Variants in ARL15 observed in about 807,000 individuals in gnomAD.
ARL15 encodes ADP-ribosylation factor-like protein 15.
ARL15 carries 19 observed loss-of-function variants against 25.2 expected under a neutral mutation model. That is an observed-to-expected ratio of 0.75 (90% CI 0.53 to 1.10). The LOEUF (loss-of-function observed/expected upper bound fraction) is 1.10. Ranked by LOEUF, ARL15 falls within the 50% of genes least tolerant of loss-of-function variation. The pLI is 0.00. For synonymous variants in ARL15, 94 were observed against 86.8 expected (o/e 1.08, Z -0.46); for missense variants, 220 against 246.0 (o/e 0.89, Z 0.71).
chr5:54,230,295 C>T (rs536452982), intron 1 of ARL15, among the ~76,000 whole-genome samples: 1 of 146,934 alleles, frequency 6.8e-6, no homozygotes, highest in Admixed American at 6.9e-5. Context: ...GCAGTGAGCC[C>T]AGATCGCGCC....
intron 1 of ARL15, among the ~76,000 whole-genome samples, chr5:54,238,870 C>A (rs35310921): frequency 6.6e-6 from 1 of 152,076 alleles, no homozygotes; most frequent in Non-Finnish European, 1.5e-5. Context: ...TGGCAAAGAC[C>A]GAGATGAAAT....
intron 4 of ARL15, among the ~76,000 whole-genome samples, chr5:53,935,359 T>C (rs1285170494): frequency 6.6e-6 from 1 of 152,218 alleles, no homozygotes; most frequent in Non-Finnish European, 1.5e-5. Flanking sequence ...AGTTGTTGAC[T>C]TGAATAACAA....
chr5:54,297,102 T>G (rs1758482741), intron 1 of ARL15, among the ~76,000 whole-genome samples: 1 of 152,244 alleles, frequency 6.6e-6, no homozygotes. Flanking sequence ...TTCAGATTAC[T>G]AAACTCACAG....
chr5:54,278,031 G>T (rs1757968091), intron 1 of ARL15, among the ~76,000 whole-genome samples: 2 of 152,198 alleles, frequency 1.3e-5, no homozygotes, highest in South Asian at 4.1e-4. Context: ...GTTCAATGTT[G>T]GCCAAAAGGG....
At chr5:53,919,188 A>T (rs1745762366) in intron 4 of ARL15, among the ~76,000 whole-genome samples, 1 of 152,206 alleles carries the variant, frequency 6.6e-6, no homozygotes, top group Admixed American at 6.5e-5. Context: ...AGTTTTCCTT[A>T]ACAAATTCAA....
intron 1 of ARL15, among the ~76,000 whole-genome samples, chr5:54,216,659 T>C (rs1297798106): frequency 7.3e-5 from 11 of 151,536 alleles, no homozygotes; most frequent in Admixed American, 7.2e-4. Context: ...ACACACCTAA[T>C]TAAATCCCCA....
At chr5:54,096,276 T>C (rs961502274) in intron 4 of ARL15, among the ~76,000 whole-genome samples, 3 of 152,222 alleles carry the variant, frequency 2.0e-5, no homozygotes, top group African/African-American at 7.2e-5. Flanking sequence ...AGGTTATTAA[T>C]CTTTGTACCT....
chr5:53,894,582 A>G (rs1053943164), intron 4 of ARL15, among the ~76,000 whole-genome samples: 1 of 152,198 alleles, frequency 6.6e-6, no homozygotes, highest in Non-Finnish European at 1.5e-5. Flanking sequence ...GATAACCACT[A>G]TGAGAGGCAC....
intron 4 of ARL15, among the ~76,000 whole-genome samples, chr5:53,916,169 C>A (rs931392475): frequency 2.6e-4 from 40 of 151,886 alleles, no homozygotes; most frequent in Non-Finnish European, 1.2e-4. Context: ...AGATTACAGG[C>A]ATGAGGCACT....
intron 4 of ARL15, among the ~76,000 whole-genome samples, chr5:54,108,222 G>T (rs1191828787): frequency 6.6e-6 from 1 of 151,998 alleles, no homozygotes; most frequent in Non-Finnish European, 1.5e-5. Flanking sequence ...GTGGAAAATT[G>T]ACTTCCAAAC....
intron 4 of ARL15, among the ~76,000 whole-genome samples, chr5:53,941,441 T>A (rs925101200): frequency 6.6e-6 from 1 of 152,226 alleles, no homozygotes; most frequent in South Asian, 2.1e-4. Context: ...AATGGGCCTG[T>A]CGTTAAAAAT....
At chr5:54,290,002 T>C (rs1177095663) in intron 1 of ARL15, among the ~76,000 whole-genome samples, 6 of 152,184 alleles carry the variant, frequency 3.9e-5, no homozygotes, top group African/African-American at 1.4e-4. Context: ...AGGCCTTGTC[T>C]GTACTCTTGG....
chr5:53,942,615 A>C (rs984715181), intron 4 of ARL15, among the ~76,000 whole-genome samples: 8 of 152,090 alleles, frequency 5.3e-5, no homozygotes, highest in African/African-American at 1.9e-4. Context: ...GCATGGTGGC[A>C]TGCGCCTGTA....
At chr5:54,044,071 G>A (rs1054904612) in intron 4 of ARL15, among the ~76,000 whole-genome samples, 1 of 151,918 alleles carries the variant, frequency 6.6e-6, no homozygotes, top group African/African-American at 2.4e-5. Context: ...TAGTTCACTC[G>A]CTCATTAATT....
intron 2 of ARL15, among the ~76,000 whole-genome samples, chr5:54,161,695 T>C (rs1022426230): frequency 1.3e-5 from 2 of 152,220 alleles, no homozygotes; most frequent in African/African-American, 4.8e-5. Flanking sequence ...GACAGCCATA[T>C]GCTTATCTGT....
intron 4 of ARL15, among the ~76,000 whole-genome samples, chr5:53,930,198 A>G (rs893090907): frequency 1.3e-5 from 2 of 152,168 alleles, no homozygotes; most frequent in Non-Finnish European, 2.9e-5. Flanking sequence ...TCCAATATAT[A>G]CTGCAATTGG....
chr5:54,089,198 A>G (rs967431296), intron 4 of ARL15, among the ~76,000 whole-genome samples: 1 of 152,204 alleles, frequency 6.6e-6, no homozygotes, highest in Non-Finnish European at 1.5e-5. Context: ...CTGAACTCAA[A>G]GCCCCATTAA....
chr5:54,225,378 G>A (rs1756490669), intron 1 of ARL15, among the ~76,000 whole-genome samples: 1 of 152,162 alleles, frequency 6.6e-6, no homozygotes, highest in Non-Finnish European at 1.5e-5. Flanking sequence ...GGATAACTAT[G>A]TCAAAGGTGG....
chr5:54,144,653 T>C (rs185173505), intron 3 of ARL15, among the ~76,000 whole-genome samples: 1 of 152,334 alleles, frequency 6.6e-6, no homozygotes, highest in East Asian at 1.9e-4. Context: ...TGCTCATCTT[T>C]TGTTTGAGAA....
Sources: gnomAD v4.1 joint callset for allele counts (sites outside exome capture counted in the v4.1 genomes callset) on GRCh38, gnomAD v4.1.1 for gene constraint, MANE v1.5 for transcripts, NCBI Gene and HGNC (gene_info 2026-07-23, HGNC 2026-07-21) for gene names.